PRKCE: variants seen among roughly 807,000 people sequenced by gnomAD.
PRKCE encodes the protein protein kinase C epsilon.
A neutral mutation model predicts 85.4 loss-of-function variants in PRKCE; 16 were observed. The observed-to-expected ratio is 0.19, with a 90% CI of 0.13 to 0.28. The LOEUF is 0.28. Among genes scored for constraint, PRKCE ranks in the 10% least tolerant of loss-of-function variants. PRKCE has a pLI of 1.00. For synonymous variants in PRKCE, 388 were observed against 371.5 expected (o/e 1.04, Z -0.51); for missense variants, 573 against 975.2 (o/e 0.59, Z 5.49).
intron 2 of PRKCE, among the ~76,000 whole-genome samples, chr2:45,848,252 C>G (rs1434809801): frequency 9.9e-5 from 15 of 152,168 alleles, no homozygotes; most frequent in Admixed American, 3.3e-4. Context: ...CCAATGTCTT[C>G]TAGTTAGTAG....
intron 11 of PRKCE, among the ~76,000 whole-genome samples, chr2:46,119,695 A>G (rs1673128835): frequency 6.6e-6 from 1 of 152,080 alleles, no homozygotes; most frequent in South Asian, 2.1e-4. Context: ...TTGCAAAGAG[A>G]CTCTTTCAAC....
chr2:45,845,936 C>T (rs1691752738), intron 2 of PRKCE, among the ~76,000 whole-genome samples: 1 of 152,202 alleles, frequency 6.6e-6, no homozygotes, highest in African/African-American at 2.4e-5. Flanking sequence ...TGGCTGAGGG[C>T]TGGCTAATAT....
intron 1 of PRKCE, among the ~76,000 whole-genome samples, chr2:45,699,345 T>C (rs999791604): frequency 2.6e-5 from 4 of 152,224 alleles, no homozygotes; most frequent in Non-Finnish European, 5.9e-5. Context: ...TGCTGAAATA[T>C]TGCAGTGAAG....
chr2:45,876,612 G>T (rs528513987), intron 2 of PRKCE, among the ~76,000 whole-genome samples: 3 of 152,142 alleles, frequency 2.0e-5, no homozygotes, highest in Non-Finnish European at 2.9e-5. Context: ...TATATTTCCC[G>T]TTAATCTTTA....
chr2:45,701,568 T>G (rs1403102013), intron 1 of PRKCE: 2 of 152,190 alleles, frequency 1.3e-5, no homozygotes, highest in East Asian at 3.9e-4. Context: ...GCAGTTTTGA[T>G]TTTGATACCA....
intron 10 of PRKCE, among the ~76,000 whole-genome samples, chr2:46,011,709 T>C (rs370265264): frequency 6.6e-6 from 1 of 152,092 alleles, no homozygotes; most frequent in Admixed American, 6.5e-5. Flanking sequence ...AAAACAAAAT[T>C]ACCTTTGTTT....
At chr2:45,730,119 GCCAGGC>G (rs1197143097) in intron 1 of PRKCE, among the ~76,000 whole-genome samples, 1 of 152,150 alleles carries the variant, frequency 6.6e-6, no homozygotes, top group East Asian at 1.9e-4. Flanking sequence ...TACCATAGAC[GCCAGGC>G]TTGAAGAGCC....
intron 1 of PRKCE, among the ~76,000 whole-genome samples, chr2:45,807,655 A>T (rs1420457119): frequency 2.6e-5 from 4 of 152,180 alleles, no homozygotes; most frequent in African/African-American, 9.6e-5. Flanking sequence ...CATGGCTAAC[A>T]GTCTAGCTGA....
chr2:45,865,815 C>CTTCTTCTTCTTTTTT (rs779577778), intron 2 of PRKCE, among the ~76,000 whole-genome samples: 1 of 133,668 alleles, frequency 7.5e-6, no homozygotes, highest in Non-Finnish European at 1.6e-5. Flanking sequence ...TCTTCTTCTT[C>CTTCTTCTTCTTTTTT]TTTTTTTTTT....
At chr2:46,113,864 C>T (rs538524515) in intron 11 of PRKCE, among the ~76,000 whole-genome samples, 151 of 152,324 alleles carry the variant, frequency 9.9e-4, no homozygotes, top group African/African-American at 3.1e-3. Flanking sequence ...GCCACTTATT[C>T]GTCTCAGTCC....
Position 46,138,683 on chromosome 2 carries a change from G to A in PRKCE, c.1593-6410G>A, listed in dbSNP as rs1265518923. 1.3e-5 allele frequency among the ~76,000 whole-genome samples: 2 copies of A among 152,214 alleles called. No individual in the cohort carries two copies. Among genetic ancestry groups the A allele is most frequent in the Non-Finnish European group, 2.9e-5 (2 of 68,032 alleles). On this transcript the variant is annotated intron_variant, in intron 11 of 14. Transcript: ENST00000306156. This position sits in a 1 kb window ranked among gnomAD's most constrained non-coding sequence, Gnocchi z 4.2. ...CCAGAGGGCCTGCAAGGGACACTTAGCAATGTCTGGAGACACAGTTGGTTG... is the reference window on the plus strand; with the variant it reads ...CCAGAGGGCCTGCAAGGGACACTTAACAATGTCTGGAGACACAGTTGGTTG...
chr2:45,733,828 C>T (rs1159860616), intron 1 of PRKCE, among the ~76,000 whole-genome samples: 1 of 152,178 alleles, frequency 6.6e-6, no homozygotes, highest in African/African-American at 2.4e-5. Context: ...GCTCTTTCTG[C>T]TCTGCAAGTC....
At chr2:45,869,706 C>CTTTTTTTTTT (rs71394860) in intron 2 of PRKCE, among the ~76,000 whole-genome samples, 1 of 109,296 alleles carries the variant, frequency 9.1e-6, no homozygotes, top group Non-Finnish European at 1.8e-5. Context: ...TTCTCTCTCT[C>CTTTTTTTTTT]TTTTTTTTTT....
chr2:46,160,856 A>T (rs1249991839), intron 14 of PRKCE, among the ~76,000 whole-genome samples: 1 of 151,910 alleles, frequency 6.6e-6, no homozygotes, highest in Non-Finnish European at 1.5e-5. Context: ...CCACGGTGGG[A>T]GTGGGAGTGG....
intron 2 of PRKCE, among the ~76,000 whole-genome samples, chr2:45,934,315 A>T (rs987573422): frequency 6.6e-6 from 1 of 152,202 alleles, no homozygotes; most frequent in Non-Finnish European, 1.5e-5. Context: ...ATTAAGACTA[A>T]GTTGAATGTG....
At chr2:45,991,055 G>A (rs1315150741) in intron 6 of PRKCE, among the ~76,000 whole-genome samples, 2 of 150,120 alleles carry the variant, frequency 1.3e-5, no homozygotes, top group African/African-American at 4.9e-5. Context: ...CACCCAGGCT[G>A]GAGTGCAGCG....
At chr2:45,876,722 C>T (rs899136612) in intron 2 of PRKCE, among the ~76,000 whole-genome samples, 2 of 152,240 alleles carry the variant, frequency 1.3e-5, no homozygotes, top group African/African-American at 2.4e-5. Flanking sequence ...GCCAGATTGA[C>T]AGCTTCTCAT....
intron 2 of PRKCE, among the ~76,000 whole-genome samples, chr2:45,964,370 T>C (rs945261483): frequency 3.9e-5 from 6 of 152,196 alleles, no homozygotes; most frequent in African/African-American, 1.4e-4. Flanking sequence ...CAGCAATTGC[T>C]CAGTTTCCTG....
chr2:46,105,588 C>T (rs1043620802), intron 11 of PRKCE, among the ~76,000 whole-genome samples: 1 of 152,016 alleles, frequency 6.6e-6, no homozygotes, highest in Non-Finnish European at 1.5e-5. Context: ...CTTTTGGGAA[C>T]ACTTCCAGCA....
Sources: allele counts gnomAD v4.1 joint callset (sites outside exome capture counted in the v4.1 genomes callset), GRCh38; gene constraint gnomAD v4.1.1; non-coding constraint Gnocchi (gnomAD v3.1); transcripts MANE v1.5; gene names NCBI Gene and HGNC (gene_info 2026-07-23, HGNC 2026-07-21).